NCAM1: variants seen among roughly 807,000 people sequenced by gnomAD.
The protein encoded by NCAM1 is antigen recognized by monoclonal antibody 5.1H11.
In NCAM1, 14 loss-of-function variants were observed where a neutral mutation model predicts 109.8. The observed-to-expected ratio is 0.13, with a 90% CI of 0.08 to 0.20. NCAM1 has a LOEUF of 0.20. NCAM1 is among the 10% of genes least tolerant of loss of function. The pLI is 1.00. For synonymous variants in NCAM1, 418 were observed against 442.9 expected (o/e 0.94, Z 0.70); for missense variants, 774 against 1,109.9 (o/e 0.70, Z 4.30).
chr11:113,250,282 T>G (rs1386364911), intron 15 of NCAM1, among the ~76,000 whole-genome samples: 1 of 152,072 alleles, frequency 6.6e-6, no homozygotes, highest in East Asian at 1.9e-4. Context: ...GGGAGAGACA[T>G]GAGGATCCAA....
chr11:113,166,047 G>A (rs1448352471), intron 1 of NCAM1, among the ~76,000 whole-genome samples: 7 of 151,834 alleles, frequency 4.6e-5, no homozygotes, highest in Non-Finnish European at 8.8e-5. Context: ...TAGCCAGGGT[G>A]GTCCCGATCT....
chr11:113,162,127 G>A (rs138669558), intron 1 of NCAM1, among the ~76,000 whole-genome samples: 2 of 152,294 alleles, frequency 1.3e-5, no homozygotes, highest in Admixed American at 1.3e-4. Context: ...GTAGTTCCTT[G>A]GGGGGAGGAG....
chr11:113,161,575 CTT>C (rs1355508665), intron 1 of NCAM1, among the ~76,000 whole-genome samples: 7 of 152,132 alleles, frequency 4.6e-5, no homozygotes, highest in Admixed American at 3.9e-4. Context: ...GGTTAAACCT[CTT>C]ATAAAAAACA....
At chr11:113,268,970 G>A (rs1199138031) in intron 17 of NCAM1, among the ~76,000 whole-genome samples, 2 of 152,204 alleles carry the variant, frequency 1.3e-5, no homozygotes, top group African/African-American at 2.4e-5. Flanking sequence ...TAGTCTACTG[G>A]TGGGGCAGGG....
chr11:113,000,448 G>A (rs1951716293), intron 1 of NCAM1, among the ~76,000 whole-genome samples: 1 of 152,132 alleles, frequency 6.6e-6, no homozygotes, highest in African/African-American at 2.4e-5. Flanking sequence ...AGTAGTGATT[G>A]TTGGAAGTAT....
chr11:113,227,222 A>G (rs1333363128), intron 9 of NCAM1, among the ~76,000 whole-genome samples: 3 of 151,616 alleles, frequency 2.0e-5, no homozygotes, highest in Admixed American at 6.6e-5. Flanking sequence ...AGAATCAAAT[A>G]GATGCAATAA....
At chr11:112,972,514 C>G (rs1555066998) in intron 1 of NCAM1, among the ~76,000 whole-genome samples, 1 of 152,020 alleles carries the variant, frequency 6.6e-6, no homozygotes, top group Non-Finnish European at 1.5e-5. Context: ...AAGTTGGAAA[C>G]AAATAATATA....
At chr11:113,251,510 G>A (rs548557225) in intron 15 of NCAM1, among the ~76,000 whole-genome samples, 1 of 152,032 alleles carries the variant, frequency 6.6e-6, no homozygotes, top group East Asian at 1.9e-4. Flanking sequence ...TTCTTTCTTG[G>A]GTTCATGATT....
chr11:113,065,534 G>T (rs1591296052), intron 1 of NCAM1, among the ~76,000 whole-genome samples: 1 of 152,136 alleles, frequency 6.6e-6, no homozygotes, highest in East Asian at 1.9e-4. Flanking sequence ...GACTTGAGAT[G>T]ATGCAATGAA....
intron 1 of NCAM1, among the ~76,000 whole-genome samples, chr11:112,982,044 G>A (rs577056297): frequency 6.6e-6 from 1 of 151,972 alleles, no homozygotes; most frequent in African/African-American, 2.4e-5. Flanking sequence ...TCCTCCGCAA[G>A]AAGTTTGTAA....
At chr11:113,196,034 G>A (rs561694753) in intron 1 of NCAM1, among the ~76,000 whole-genome samples, 10 of 151,546 alleles carry the variant, frequency 6.6e-5, no homozygotes, top group Admixed American at 2.0e-4. Context: ...AAACAATTTC[G>A]ATATCCCTTT....
intron 1 of NCAM1, among the ~76,000 whole-genome samples, chr11:113,019,357 T>C (rs1591253137): frequency 6.6e-6 from 1 of 152,214 alleles, no homozygotes; most frequent in Non-Finnish European, 1.5e-5. Context: ...TTACCTTCAA[T>C]AGCCTTCCGA....
At chr11:113,146,650 T>G (rs1487098067) in intron 1 of NCAM1, among the ~76,000 whole-genome samples, 2 of 152,216 alleles carry the variant, frequency 1.3e-5, no homozygotes, top group Non-Finnish European at 1.5e-5. Context: ...GGAATTTGCT[T>G]CTAGTGAATG....
chr11:113,086,424 A>T (rs1555088320), intron 1 of NCAM1, among the ~76,000 whole-genome samples: 1 of 152,216 alleles, frequency 6.6e-6, no homozygotes, highest in African/African-American at 2.4e-5. Context: ...TGTCTTCTTA[A>T]ATACACTTTT....
rs114079926 is a variant in NCAM1 at position 112,975,985 on chromosome 11, T to C, written c.52+14321T>C. 4.8e-3 allele frequency among the ~76,000 whole-genome samples: 727 copies of C among 152,056 alleles called. 3 individuals are homozygous for C. The highest frequency in any genetic ancestry group is 0.013 in the African/African-American group (558 of 41,536). ...CAGAAAAATCATTCACTATTTTGTG[T>C]TCTAGTGATATTCACAGTAGATACT... On this transcript the variant is annotated intron_variant, in intron 1 of 19. Coordinates refer to ENST00000316851, the MANE Select transcript of NCAM1 (RefSeq NM_181351.5).
intron 1 of NCAM1, among the ~76,000 whole-genome samples, chr11:112,980,777 G>A (rs1472160630): frequency 6.6e-6 from 1 of 151,720 alleles, no homozygotes; most frequent in Non-Finnish European, 1.5e-5. Context: ...TTTAATCCTA[G>A]CACTTGTTAA....
At chr11:113,228,614 C>T (rs1218829184) in intron 9 of NCAM1, among the ~76,000 whole-genome samples, 57 of 152,122 alleles carry the variant, frequency 3.7e-4, no homozygotes, top group Middle Eastern at 3.4e-3. Flanking sequence ...AAAAAGAGCC[C>T]GCATCACCAA....
intron 1 of NCAM1, among the ~76,000 whole-genome samples, chr11:112,989,389 C>G (rs1695061533): frequency 6.6e-6 from 1 of 152,112 alleles, no homozygotes; most frequent in South Asian, 2.1e-4. Context: ...ATGATTGAGT[C>G]TGTTGTTGAA....
At chr11:113,104,056 C>T (rs1294963264) in intron 1 of NCAM1, among the ~76,000 whole-genome samples, 6 of 151,956 alleles carry the variant, frequency 3.9e-5, no homozygotes, top group Admixed American at 3.9e-4. Context: ...GTGTCCAAGT[C>T]CCCTTCTGAT....
Sources: allele counts gnomAD v4.1 joint callset (sites outside exome capture counted in the v4.1 genomes callset), GRCh38; gene constraint gnomAD v4.1.1; transcripts MANE v1.5; gene names NCBI Gene and HGNC (gene_info 2026-07-23, HGNC 2026-07-21).